The following ANTXR2 variants were observed in gnomAD, a reference collection of about 807,000 sequenced individuals.
ANTXR2 encodes ANTXR cell adhesion molecule 2.
In ANTXR2, 44 loss-of-function variants were observed where a neutral mutation model predicts 73.7. The observed-to-expected ratio is 0.60, with a 90% CI of 0.47 to 0.77. The LOEUF is 0.77. Among genes scored for constraint, ANTXR2 ranks in the 30% least tolerant of loss-of-function variants. The probability of loss-of-function intolerance (pLI) is 0.00; values close to 1 mark genes in which losing one functional copy is unlikely to be tolerated. For synonymous variants in ANTXR2, 217 were observed against 205.9 expected (o/e 1.05, Z -0.46); for missense variants, 604 against 592.5 (o/e 1.02, Z -0.20).
At chr4:79,987,999 C>G (rs28867112) in intron 12 of ANTXR2, among the ~76,000 whole-genome samples, 54,037 of 151,328 alleles carry the variant, frequency 0.36, 12,005 homozygotes, top group Non-Finnish European at 0.47. Flanking sequence ...GACCTGCCAC[C>G]ACAAAAACAC....
intron 11 of ANTXR2, among the ~76,000 whole-genome samples, chr4:80,013,038 A>G (rs1334984916): frequency 6.6e-6 from 1 of 152,224 alleles, no homozygotes; most frequent in African/African-American, 2.4e-5. Context: ...CTCAGCAAAC[A>G]GGTTCTTGGT....
chr4:80,039,770 A>G (rs1733147476), intron 7 of ANTXR2, among the ~76,000 whole-genome samples: 1 of 152,112 alleles, frequency 6.6e-6, no homozygotes, highest in Non-Finnish European at 1.5e-5. Flanking sequence ...CAATCCCATT[A>G]CAGGATACAT....
At chr4:79,981,358 G>C (rs1729883094) in intron 14 of ANTXR2, among the ~76,000 whole-genome samples, 1 of 152,134 alleles carries the variant, frequency 6.6e-6, no homozygotes, top group Non-Finnish European at 1.5e-5. Flanking sequence ...GGTCACAGTT[G>C]ACACTTTGTT....
At chr4:80,009,766 G>A (rs1225692645) in intron 11 of ANTXR2, among the ~76,000 whole-genome samples, 4 of 151,298 alleles carry the variant, frequency 2.6e-5, no homozygotes, top group African/African-American at 4.9e-5. Context: ...AGAATTGCTT[G>A]AACCCGGGAG....
intron 16 of ANTXR2, among the ~76,000 whole-genome samples, chr4:79,925,083 A>G (rs1727731875): frequency 6.6e-6 from 1 of 152,274 alleles, no homozygotes; most frequent in South Asian, 2.1e-4. Flanking sequence ...CATCAAAGTC[A>G]ACACCAATCT....
chr4:79,959,466 A>G (rs1243821057), intron 16 of ANTXR2, among the ~76,000 whole-genome samples: 1 of 152,166 alleles, frequency 6.6e-6, no homozygotes, highest in Non-Finnish European at 1.5e-5. Flanking sequence ...TCTTAATTAT[A>G]ATAAAACTAA....
At position 79,954,029 on chromosome 4, in the gene ANTXR2, G is replaced by A. The variant is rs141944358; in HGVS notation, c.1428+23592C>T. 4.2e-3 allele frequency among the ~76,000 whole-genome samples: 641 copies of A among 152,094 alleles called. 5 individuals are homozygous for A. Among genetic ancestry groups the A allele is most frequent in the African/African-American group, 0.015 (606 of 41,492 alleles). ...AACTCTAAACTGCTGTAAATTTTCT[G>A]GAAAACTGACCAATAAATTCTGAAA... On this transcript the variant is annotated intron_variant, in intron 16 of 16. Transcript: ENST00000403729.
chr4:80,061,284 CTG>C (rs60730236), intron 3 of ANTXR2, among the ~76,000 whole-genome samples: 148 of 149,074 alleles, frequency 9.9e-4, no homozygotes, highest in South Asian at 3.4e-3. Flanking sequence ...GTGTGTGCCT[CTG>C]TGTGTGTGTG....
At chr4:79,991,865 T>C (rs552195527) in intron 12 of ANTXR2, among the ~76,000 whole-genome samples, 2 of 152,174 alleles carry the variant, frequency 1.3e-5, no homozygotes, top group Admixed American at 6.6e-5. Flanking sequence ...GAAAACCAAG[T>C]ACTACAGGTT....
chr4:79,981,446 G>A (rs1308796333), intron 14 of ANTXR2, among the ~76,000 whole-genome samples: 2 of 151,846 alleles, frequency 1.3e-5, no homozygotes, highest in African/African-American at 4.8e-5. Flanking sequence ...TGTATTTATG[G>A]TATATTTTAA....
chr4:80,044,614 A>G (rs1733431639), intron 7 of ANTXR2, among the ~76,000 whole-genome samples: 1 of 152,046 alleles, frequency 6.6e-6, no homozygotes, highest in Non-Finnish European at 1.5e-5. Flanking sequence ...AGACCTTAGG[A>G]CTTGAAGATC....
chr4:80,024,524 G>C, intron 10 of ANTXR2: 1 of 282,876 alleles, frequency 3.5e-6, no homozygotes, highest in South Asian at 2.9e-5. Context: ...ACTTTGGGAG[G>C]CCAAGGCGGG....
Position 79,901,761 on chromosome 4 carries a change from G to A in ANTXR2, c.*5668C>T, listed in dbSNP as rs1045882360. 6.2e-6 allele frequency: 1 copy of A among 162,422 alleles called. No homozygotes were observed. Among genetic ancestry groups the A allele is most frequent in the Non-Finnish European group, 1.3e-5 (1 of 77,078 alleles). 10.1% of individuals were successfully genotyped at this position (162,422 alleles called of 1,614,324 possible). On this transcript the variant is annotated 3_prime_UTR_variant, in exon 17 of 17. Transcript: ENST00000403729. ...ATGGTCCCATCTGGGGGTGGTGGGAGACAACAACAGATCATCAGGTATTAG... is the reference window on the plus strand; with the variant it reads ...ATGGTCCCATCTGGGGGTGGTGGGAAACAACAACAGATCATCAGGTATTAG...
chr4:79,963,025 G>A lies in ANTXR2; in HGVS notation c.1428+14596C>T, dbSNP rs888600034. Reference sequence around the variant, plus strand: ...AGTGGTTACACTTCGCAACTGTGATGGGAACATAATGGCAGTGTGATGCAG... The same window carrying A: ...AGTGGTTACACTTCGCAACTGTGATAGGAACATAATGGCAGTGTGATGCAG... On this transcript the variant is annotated intron_variant, in intron 16 of 16. Transcript: ENST00000403729. Among the ~76,000 whole-genome samples, 7 of 152,208 alleles carry A rather than the reference G, an allele frequency of 4.6e-5. No homozygotes were observed. The East Asian group carries it at 5.8e-4, about 13-fold the overall frequency.
chr4:79,966,712 T>C (rs1729379623), intron 16 of ANTXR2, among the ~76,000 whole-genome samples: 1 of 152,258 alleles, frequency 6.6e-6, no homozygotes, highest in African/African-American at 2.4e-5. Context: ...AATATGATTT[T>C]ATTTAAACAA....
rs552187083 is a variant in ANTXR2, at chr4:79,948,329, C to T, written c.1428+29292G>A. 1.1e-3 allele frequency among the ~76,000 whole-genome samples: 171 copies of T among 152,078 alleles called. 2 individuals are homozygous for T. The highest frequency in any genetic ancestry group is 4.0e-3 in the African/African-American group (164 of 41,482). ...ATAACTCAATCAAAACCAATAAGCA[C>T]GTAAATATAAAAGCTGACATTTGAA... On this transcript the variant is annotated intron_variant, in intron 16 of 16. Transcript: ENST00000403729.
intron 16 of ANTXR2, among the ~76,000 whole-genome samples, chr4:79,920,487 A>G (rs576816827): frequency 2.6e-5 from 4 of 152,110 alleles, no homozygotes; most frequent in Non-Finnish European, 5.9e-5. Flanking sequence ...TCTGAATCAG[A>G]GTAAGAGGGC....
At chr4:79,916,134 A>G (rs1054127417) in intron 16 of ANTXR2, among the ~76,000 whole-genome samples, 1 of 152,020 alleles carries the variant, frequency 6.6e-6, no homozygotes, top group African/African-American at 2.4e-5. Context: ...CAGTGACTCT[A>G]TACATATGGT....
intron 11 of ANTXR2, among the ~76,000 whole-genome samples, chr4:80,009,346 G>A (rs977859264): frequency 2.0e-5 from 3 of 152,070 alleles, no homozygotes; most frequent in African/African-American, 7.2e-5. Flanking sequence ...GTCTTCCTTG[G>A]ACCCTTTGAC....
Sources: allele counts gnomAD v4.1 joint callset (sites outside exome capture counted in the v4.1 genomes callset), GRCh38; gene constraint gnomAD v4.1.1; transcripts MANE v1.5; gene names NCBI Gene and HGNC (gene_info 2026-07-23, HGNC 2026-07-21).